Variants in BTRC observed in about 807,000 individuals in gnomAD.
BTRC encodes the protein F-box/WD repeat-containing protein 1A.
In BTRC, 42 loss-of-function variants were observed where a neutral mutation model predicts 85.5. The observed-to-expected ratio is 0.49, with a 90% CI of 0.38 to 0.64. The LOEUF (loss-of-function observed/expected upper bound fraction) is 0.64. Among genes scored for constraint, BTRC ranks in the 30% least tolerant of loss-of-function variants. The pLI, the probability that BTRC is intolerant of heterozygous loss-of-function variation, is 0.00. For synonymous variants in BTRC, 255 were observed against 263.3 expected, an observed-to-expected ratio of 0.97 and a Z score of 0.30; for missense variants, 594 against 743.5, an observed-to-expected ratio of 0.80 and a Z score of 2.34.
At chr10:101,371,160 T>C (rs1942623441) in intron 1 of BTRC, among the ~76,000 whole-genome samples, 1 of 127,814 alleles carries the variant, frequency 7.8e-6, no homozygotes, top group South Asian at 2.3e-4. Context: ...TGGCAACCAC[T>C]ATTCTTTTTT....
rs1010690729 is a variant in BTRC, at chr10:101,554,262, G to T, written c.*1139G>T. 3 of 152,232 alleles carry T rather than the reference G, an allele frequency of 2.0e-5. No individual in the cohort carries two copies. The highest frequency in any genetic ancestry group is 7.2e-5 in the African/African-American group (3 of 41,446). 9.4% of individuals were successfully genotyped at this position (152,232 alleles called of 1,614,324 possible). Reference sequence around the variant, plus strand: ...CTCAGCCTACAGAAAGATTTGAAATGGCCAGAGCCAATCGCTTGGTGCATT... The same window carrying T: ...CTCAGCCTACAGAAAGATTTGAAATTGCCAGAGCCAATCGCTTGGTGCATT... On this transcript the variant is annotated 3_prime_UTR_variant, in exon 15 of 15. Coordinates refer to ENST00000370187, the MANE Select transcript of BTRC (RefSeq NM_033637.4).
At chr10:101,505,147 A>ATGTG (rs1229927110) in intron 4 of BTRC, among the ~76,000 whole-genome samples, 12 of 113,562 alleles carry the variant, frequency 1.1e-4, no homozygotes, top group Admixed American at 3.8e-4. Context: ...ATGTATATAT[A>ATGTG]TATGTATATG....
chr10:101,403,221 CA>C (rs1943532916), intron 1 of BTRC, among the ~76,000 whole-genome samples: 1 of 152,074 alleles, frequency 6.6e-6, no homozygotes, highest in South Asian at 2.1e-4. Context: ...TTTCAAGTAA[CA>C]GATTGCTTCA....
At chr10:101,417,790 A>C (rs1276209384) in intron 1 of BTRC, among the ~76,000 whole-genome samples, 1 of 152,046 alleles carries the variant, frequency 6.6e-6, no homozygotes, top group Non-Finnish European at 1.5e-5. Context: ...CTTCCTGCTC[A>C]GTCTCCCAAG....
intron 3 of BTRC, among the ~76,000 whole-genome samples, chr10:101,474,817 C>G (rs1320294291): frequency 2.6e-5 from 4 of 152,136 alleles, no homozygotes; most frequent in Non-Finnish European, 5.9e-5. Context: ...CAAGATCAGG[C>G]CACTCCTTCC....
In BTRC at chr10:101,532,804, G is replaced by A. The variant is rs1052072254; in HGVS notation, c.979-148G>A. On this transcript the variant is annotated intron_variant, in intron 8 of 14. Transcript: ENST00000370187. ...TGTGTGTGTGTGCGCGTGTGCGCGCGCGCGCGCTTAGCTATACCTATAGAA... is the reference window on the plus strand; with the variant it reads ...TGTGTGTGTGTGCGCGTGTGCGCGCACGCGCGCTTAGCTATACCTATAGAA... The A allele has an allele frequency of 4.6e-5, 30 of 657,296 alleles. 2 individuals are homozygous for A. Among genetic ancestry groups the A allele is most frequent in the South Asian group, 3.0e-4 (16 of 54,120 alleles). 40.7% of individuals were successfully genotyped at this position (657,296 alleles called of 1,614,324 possible).
rs375975603 is a variant in BTRC, at chr10:101,395,430, A to T, written c.49-34915A>T. Among the ~76,000 whole-genome samples the T allele has an allele frequency of 6.6e-5, 10 of 151,950 alleles. No individual in the cohort carries two copies. The East Asian group carries it at 1.9e-3, about 29-fold the overall frequency. ...TTGCTCCAGCTGCTTTATTTTCATT[A>T]TTATTGTCTAGGAGTTCCTCATTTT... On this transcript the variant is annotated intron_variant, in intron 1 of 14. Transcript: ENST00000370187.
chr10:101,363,961 T>A (rs1266249796), intron 1 of BTRC, among the ~76,000 whole-genome samples: 1 of 152,292 alleles, frequency 6.6e-6, no homozygotes, highest in East Asian at 1.9e-4. Flanking sequence ...TGATAGGTAT[T>A]TATTCTCTTG....
chr10:101,375,180 T>C (rs531579428), intron 1 of BTRC, among the ~76,000 whole-genome samples: 1 of 152,306 alleles, frequency 6.6e-6, no homozygotes, highest in South Asian at 2.1e-4. Flanking sequence ...GTTTGGATCA[T>C]GGGGGCGGAT....
At chr10:101,440,514 A>T (rs1197826851) in intron 2 of BTRC, among the ~76,000 whole-genome samples, 1 of 152,116 alleles carries the variant, frequency 6.6e-6, no homozygotes, top group Non-Finnish European at 1.5e-5. Flanking sequence ...TGAGCTCAGA[A>T]ATTCGAGACC....
intron 4 of BTRC, among the ~76,000 whole-genome samples, chr10:101,491,584 C>G (rs1564804971): frequency 6.6e-6 from 1 of 151,908 alleles, no homozygotes; most frequent in Non-Finnish European, 1.5e-5. Flanking sequence ...ATAAGCCCAG[C>G]TGCTCAGGAG....
intron 4 of BTRC, among the ~76,000 whole-genome samples, chr10:101,511,848 A>G (rs2061959325): frequency 6.6e-6 from 1 of 152,056 alleles, no homozygotes; most frequent in Non-Finnish European, 1.5e-5. Flanking sequence ...ACGAAGTTTC[A>G]CTATGTTGAC....
At chr10:101,509,073 C>T (rs1040724533) in intron 4 of BTRC, among the ~76,000 whole-genome samples, 3 of 151,876 alleles carry the variant, frequency 2.0e-5, no homozygotes, top group Non-Finnish European at 4.4e-5. Context: ...TGCCAATGGG[C>T]GCTAGCCCTT....
At chr10:101,447,906 G>A (rs1473092525) in intron 2 of BTRC, among the ~76,000 whole-genome samples, 1 of 152,006 alleles carries the variant, frequency 6.6e-6, no homozygotes, top group African/African-American at 2.4e-5. Context: ...AATCAACCAA[G>A]TATTATTAAT....
intron 3 of BTRC, among the ~76,000 whole-genome samples, chr10:101,470,788 C>T (rs760121290): frequency 6.6e-5 from 10 of 152,132 alleles, no homozygotes; most frequent in Non-Finnish European, 1.2e-4. Context: ...AATTCTTATA[C>T]GTGCCATGAA....
intron 2 of BTRC, among the ~76,000 whole-genome samples, chr10:101,443,757 T>C (rs1944753825): frequency 6.6e-6 from 1 of 152,242 alleles, no homozygotes; most frequent in Non-Finnish European, 1.5e-5. Flanking sequence ...TTGTACTTTT[T>C]ATATTGTCCT....
intron 1 of BTRC, among the ~76,000 whole-genome samples, chr10:101,373,525 A>G (rs1367478004): frequency 6.6e-6 from 1 of 152,222 alleles, no homozygotes; most frequent in Non-Finnish European, 1.5e-5. Flanking sequence ...TCAAAGCAGT[A>G]GGTAGGTAAG....
intron 1 of BTRC, among the ~76,000 whole-genome samples, chr10:101,416,640 G>A (rs1943954178): frequency 6.6e-6 from 1 of 152,246 alleles, no homozygotes; most frequent in East Asian, 1.9e-4. Flanking sequence ...ACAGCATCAT[G>A]AGACTGCTGA....
intron 4 of BTRC, among the ~76,000 whole-genome samples, chr10:101,484,006 A>G (rs929561714): frequency 7.9e-5 from 12 of 152,218 alleles, no homozygotes; most frequent in African/African-American, 2.2e-4. Context: ...CAGATACACA[A>G]ATACATGCAG....
Sources: gnomAD v4.1 joint callset for allele counts (sites outside exome capture counted in the v4.1 genomes callset) on GRCh38, gnomAD v4.1.1 for gene constraint, MANE v1.5 for transcripts, NCBI Gene and HGNC (gene_info 2026-07-23, HGNC 2026-07-21) for gene names.